The following MYOM2 variants were observed in gnomAD, a reference collection of about 807,000 sequenced individuals.
MYOM2 encodes the protein myomesin-2.
A neutral mutation model predicts 187.6 loss-of-function variants in MYOM2; 254 were observed. That is an observed-to-expected ratio of 1.35 (90% CI 1.22 to 1.50). The LOEUF (loss-of-function observed/expected upper bound fraction) is 1.50. MYOM2 is among the 40% of genes most tolerant of loss of function. MYOM2 has a pLI of 0.00. For synonymous variants in MYOM2, 981 were observed against 753.8 expected, an observed-to-expected ratio of 1.30 and a Z score of -4.94; for missense variants, 2,796 against 1,924.0, an observed-to-expected ratio of 1.45 and a Z score of -8.48.
intron 20 of MYOM2, 76 bp downstream of exon 20, chr8:2,101,130 G>A: frequency 6.7e-7 from 1 of 1,485,860 alleles, no homozygotes; most frequent in Non-Finnish European, 9.2e-7. Flanking sequence ...CCAATCACTT[G>A]AGGTCAGGAG....
At position 2,079,519 on chromosome 8, in the gene MYOM2, A is replaced by G. The variant is rs772763051; in HGVS notation, c.1463-41A>G. ...GAGGGAAAACGGGCTTTTGGGGAAA[A>G]CTTCGCATGTCAAATCGAGTGTCAA... On this transcript the variant is annotated intron_variant, in intron 12 of 36. Transcript: ENST00000262113. 88 of 1,608,498 alleles carry G rather than the reference A, an allele frequency of 5.5e-5. 1 individual carries two copies. Among genetic ancestry groups the G allele is most frequent in the Non-Finnish European group, 4.3e-5 (50 of 1,175,174 alleles).
At chr8:2,113,749 C>T (rs1797145560) in intron 25 of MYOM2, among the ~76,000 whole-genome samples, 1 of 152,164 alleles carries the variant, frequency 6.6e-6, no homozygotes, top group South Asian at 2.1e-4. Context: ...CAAAATTGCT[C>T]AGTGTCACTT....
intron 23 of MYOM2, 34 bp from the exon 24 acceptor site, chr8:2,108,752 C>G: frequency 3.1e-6 from 5 of 1,611,970 alleles, no homozygotes; most frequent in Non-Finnish European, 4.2e-6. Flanking sequence ...AGGTGCAGGT[C>G]CAGATGAATT....
intron 10 of MYOM2, among the ~76,000 whole-genome samples, chr8:2,075,887 C>G (rs1205170184): frequency 1.3e-5 from 2 of 152,228 alleles, no homozygotes; most frequent in African/African-American, 2.4e-5. Context: ...AATTCAGGAT[C>G]TAATGACGAA....
intron 27 of MYOM2, among the ~76,000 whole-genome samples, chr8:2,116,948 A>C (rs1797267199): frequency 2.1e-4 from 2 of 9,610 alleles, no homozygotes; most frequent in South Asian, 3.9e-3. Flanking sequence ...TTTAGTAGAG[A>C]CGGACGGGGT....
chr8:2,045,478 C>T (rs936906716), intron 1 of MYOM2, among the ~76,000 whole-genome samples: 3 of 152,220 alleles, frequency 2.0e-5, no homozygotes, highest in Non-Finnish European at 2.9e-5. Flanking sequence ...CCAGGGGGCC[C>T]CCCAGTCAGT....
chr8:2,132,443 TAAGAG>T (rs1338092073), intron 32 of MYOM2, among the ~76,000 whole-genome samples: 2 of 152,228 alleles, frequency 1.3e-5, no homozygotes, highest in African/African-American at 4.8e-5. Context: ...AAAATGTTCT[TAAGAG>T]AAAAGATTTT....
chr8:2,140,935 A>G (rs752624090), intron 33 of MYOM2, 49 bp downstream of exon 33: 9 of 1,546,616 alleles, frequency 5.8e-6, no homozygotes, highest in Non-Finnish European at 7.9e-6. Flanking sequence ...TTAGAAATCC[A>G]TTTAGATGCT....
chr8:2,075,931 A>G (rs759737812), intron 10 of MYOM2, among the ~76,000 whole-genome samples: 1 of 152,214 alleles, frequency 6.6e-6, no homozygotes, highest in Non-Finnish European at 1.5e-5. Flanking sequence ...CAAGGATTCT[A>G]TGTTTTGAAG....
intron 13 of MYOM2, among the ~76,000 whole-genome samples, chr8:2,081,153 G>T (rs112158829): frequency 9.5e-6 from 1 of 104,876 alleles, no homozygotes; most frequent in Non-Finnish European, 1.9e-5. Context: ...AGCCCAGCCC[G>T]TGTAGAATGA....
At chr8:2,133,439 C>A (rs970850034) in intron 32 of MYOM2, among the ~76,000 whole-genome samples, 3 of 152,160 alleles carry the variant, frequency 2.0e-5, no homozygotes, top group African/African-American at 7.2e-5. Context: ...CTCGGAGGCG[C>A]CGGCTCTGTT....
intron 32 of MYOM2, among the ~76,000 whole-genome samples, chr8:2,139,148 A>G (rs913405581): frequency 2.6e-5 from 4 of 151,790 alleles, no homozygotes; most frequent in Non-Finnish European, 4.4e-5. Flanking sequence ...ATTTTTACAT[A>G]TATACTTTTT....
intron 11 of MYOM2, among the ~76,000 whole-genome samples, chr8:2,076,821 T>C (rs905397308): frequency 6.6e-6 from 1 of 152,230 alleles, no homozygotes; most frequent in Non-Finnish European, 1.5e-5. Context: ...AACTTACATT[T>C]AGGTCATCGT....
Position 2,124,851 on chromosome 8 carries a change from C to G in MYOM2, c.3694+634C>G, listed in dbSNP as rs148341505. Among the ~76,000 whole-genome samples the G allele has an allele frequency of 4.7e-3, 716 of 152,190 alleles. 13 individuals carry two copies. The highest frequency in any genetic ancestry group is 0.045 in the East Asian group (231 of 5,174). On this transcript the variant is annotated intron_variant, in intron 31 of 36. Coordinates refer to ENST00000262113, the MANE Select transcript of MYOM2 (RefSeq NM_003970.4). ...CATTTCCCTGATGATTAGAGATGTT[C>G]AGTATTTTTCAAGTATCTGTTGGCC...
chr8:2,106,135 T>G, intron 21 of MYOM2, 107 bp from the exon 22 acceptor site: 418 of 1,109,784 alleles, frequency 3.8e-4, no homozygotes, highest in Non-Finnish European at 5.2e-4. Context: ...CAATTTGAGA[T>G]GAGATTTGGG....
chr8:2,104,156 T>G (rs2116792943), intron 21 of MYOM2, among the ~76,000 whole-genome samples: 1 of 152,176 alleles, frequency 6.6e-6, no homozygotes, highest in Non-Finnish European at 1.5e-5. Flanking sequence ...TTTAAAAAGC[T>G]GTTGGTAATT....
At chr8:2,115,714 G>A (rs1797217576) in intron 25 of MYOM2, among the ~76,000 whole-genome samples, 1 of 152,166 alleles carries the variant, frequency 6.6e-6, no homozygotes, top group Non-Finnish European at 1.5e-5. Context: ...TGGAGTCTCT[G>A]CCTAGAAGGT....
At chr8:2,066,404 G>C (rs112812380) in intron 6 of MYOM2, among the ~76,000 whole-genome samples, 2,277 of 152,258 alleles carry the variant, frequency 0.015, 67 homozygotes, top group African/African-American at 0.053. Context: ...GTGCCTGTGG[G>C]AGGCTGTCGC....
intron 6 of MYOM2, among the ~76,000 whole-genome samples, chr8:2,062,672 C>A (rs1818890591): frequency 6.6e-6 from 1 of 152,028 alleles, no homozygotes. Context: ...AGACCGTAGG[C>A]CGTCATGTCT....
Sources: gnomAD v4.1 joint callset for allele counts (sites outside exome capture counted in the v4.1 genomes callset) on GRCh38, gnomAD v4.1.1 for gene constraint, MANE v1.5 for transcripts, NCBI Gene and HGNC (gene_info 2026-07-23, HGNC 2026-07-21) for gene names.